SIPA1L1: variants seen among roughly 807,000 people sequenced by gnomAD.
SIPA1L1 encodes the protein signal-induced proliferation-associated 1-like protein 1.
SIPA1L1 carries 26 observed loss-of-function variants against 162.7 expected under a neutral mutation model. The observed-to-expected ratio is 0.16, with a 90% CI of 0.12 to 0.22. The LOEUF (loss-of-function observed/expected upper bound fraction) is 0.22, where lower values mean the gene tolerates loss of function less well. Among genes scored for constraint, SIPA1L1 ranks in the 10% least tolerant of loss-of-function variants. The probability of loss-of-function intolerance (pLI) is 1.00; values close to 1 mark genes in which losing one functional copy is unlikely to be tolerated. For synonymous variants in SIPA1L1, 829 were observed against 837.4 expected (o/e 0.99, Z 0.17); for missense variants, 1,874 against 2,241.0 (o/e 0.84, Z 3.31).
At chr14:71,331,255 C>G (rs2034505377) in intron 2 of SIPA1L1, among the ~76,000 whole-genome samples, 1 of 152,106 alleles carries the variant, frequency 6.6e-6, no homozygotes, top group East Asian at 1.9e-4. Context: ...CTATTGGTCT[C>G]TTTGTCTGTT....
intron 2 of SIPA1L1, among the ~76,000 whole-genome samples, chr14:71,361,705 C>CT (rs2037832535): frequency 6.6e-6 from 1 of 152,120 alleles, no homozygotes. Context: ...GGCCTGGAAT[C>CT]TTTAGGAACT....
intron 2 of SIPA1L1, among the ~76,000 whole-genome samples, chr14:71,396,458 CCT>C (rs1267454555): frequency 7.9e-5 from 12 of 152,052 alleles, no homozygotes; most frequent in African/African-American, 2.4e-4. Context: ...ACTATTGTCC[CCT>C]GTTTGTTCAT....
chr14:71,515,716 C>A (rs1231160831), intron 3 of SIPA1L1, among the ~76,000 whole-genome samples: 1 of 152,172 alleles, frequency 6.6e-6, no homozygotes, highest in Admixed American at 6.5e-5. Context: ...GCGATCTCAG[C>A]AACTTCTACC....
intron 2 of SIPA1L1, among the ~76,000 whole-genome samples, chr14:71,347,037 T>C (rs1198906690): frequency 6.6e-6 from 1 of 150,936 alleles, no homozygotes; most frequent in Non-Finnish European, 1.5e-5. Flanking sequence ...CTGCAGCCTC[T>C]GCCTTCCAGG....
At chr14:71,429,374 A>G (rs1158427184) in intron 2 of SIPA1L1, among the ~76,000 whole-genome samples, 3 of 148,000 alleles carry the variant, frequency 2.0e-5, no homozygotes, top group African/African-American at 7.6e-5. Flanking sequence ...TAGAAACTTC[A>G]CATAATTGCC....
intron 4 of SIPA1L1, chr14:71,576,397 C>G (rs2033038761): frequency 6.6e-6 from 1 of 152,170 alleles, no homozygotes; most frequent in African/African-American, 2.4e-5. Context: ...GCATACATAA[C>G]TGGTTACAAT....
At chr14:71,405,856 A>C (rs577905020) in intron 2 of SIPA1L1, among the ~76,000 whole-genome samples, 1 of 152,354 alleles carries the variant, frequency 6.6e-6, no homozygotes, top group South Asian at 2.1e-4. Context: ...TGTAGGGCAG[A>C]ATTTTTACAT....
At chr14:71,413,453 C>T (rs965953581) in intron 2 of SIPA1L1, among the ~76,000 whole-genome samples, 32 of 152,046 alleles carry the variant, frequency 2.1e-4, no homozygotes, top group Admixed American at 7.2e-4. Flanking sequence ...TGTGTTGAGG[C>T]GGGGCATAGT....
chr14:71,644,870 C>T (rs796406607), intron 7 of SIPA1L1, among the ~76,000 whole-genome samples: 3 of 152,246 alleles, frequency 2.0e-5, no homozygotes, highest in African/African-American at 7.2e-5. Flanking sequence ...TATAGTTTGT[C>T]TCTTGTTTGT....
chr14:71,438,032 T>A (rs2044534464), intron 2 of SIPA1L1, among the ~76,000 whole-genome samples: 1 of 152,216 alleles, frequency 6.6e-6, no homozygotes, highest in African/African-American at 2.4e-5. Context: ...TGTTATCTCC[T>A]TACATTTTAG....
intron 4 of SIPA1L1, among the ~76,000 whole-genome samples, chr14:71,568,849 A>G (rs1470080183): frequency 6.6e-6 from 1 of 152,218 alleles, no homozygotes; most frequent in East Asian, 1.9e-4. Flanking sequence ...AAGAATGCAT[A>G]CTGTCCTTAG....
chr14:71,642,573 A>C (rs1257047285), intron 7 of SIPA1L1, among the ~76,000 whole-genome samples: 1 of 152,224 alleles, frequency 6.6e-6, no homozygotes, highest in Non-Finnish European at 1.5e-5. Flanking sequence ...ACTCTTGCCA[A>C]GTAATTTAAC....
At chr14:71,589,443 T>C (rs2034987243) in intron 5 of SIPA1L1, 73 bp downstream of exon 5, 1 of 861,156 alleles carries the variant, frequency 1.2e-6, no homozygotes, top group African/African-American at 1.7e-5. Context: ...TATATTAAGA[T>C]ATTTATTAAC....
intron 2 of SIPA1L1, among the ~76,000 whole-genome samples, chr14:71,419,926 T>G (rs1274279280): frequency 6.6e-6 from 1 of 151,838 alleles, no homozygotes; most frequent in Non-Finnish European, 1.5e-5. Context: ...AAGGCTGAGG[T>G]GGGAGGATTG....
At chr14:71,715,791 C>A (rs2083225345) in intron 17 of SIPA1L1, among the ~76,000 whole-genome samples, 2 of 152,296 alleles carry the variant, frequency 1.3e-5, no homozygotes, top group South Asian at 4.1e-4. Flanking sequence ...TGTGTTTCAT[C>A]CTATAATCAT....
intron 4 of SIPA1L1, among the ~76,000 whole-genome samples, chr14:71,548,718 GAA>G (rs2055482347): frequency 6.6e-6 from 1 of 151,950 alleles, no homozygotes; most frequent in African/African-American, 2.4e-5. Context: ...GCAACATGGT[GAA>G]ACCCTGTCTC....
chr14:71,468,917 A>G (rs1271916532), intron 2 of SIPA1L1, among the ~76,000 whole-genome samples: 1 of 152,118 alleles, frequency 6.6e-6, no homozygotes, highest in Non-Finnish European at 1.5e-5. Flanking sequence ...TTCATTTTGG[A>G]TGAGTTCTAA....
chr14:71,724,036 A>G (rs2084003916), intron 18 of SIPA1L1, 150 bp downstream of exon 18: 1 of 805,724 alleles, frequency 1.2e-6, no homozygotes, highest in South Asian at 1.9e-5. Flanking sequence ...TTTTTTCCTA[A>G]GTAATATTTT....
At chr14:71,354,109 A>G (rs193441) in intron 2 of SIPA1L1, among the ~76,000 whole-genome samples, 73,003 of 151,480 alleles carry the variant, frequency 0.48, 18,088 homozygotes, top group Admixed American at 0.54. Flanking sequence ...ACCAGCTTTG[A>G]GAATCACTGA....
Sources: allele counts gnomAD v4.1 joint callset (sites outside exome capture counted in the v4.1 genomes callset), GRCh38; gene constraint gnomAD v4.1.1; transcripts MANE v1.5; gene names NCBI Gene and HGNC (gene_info 2026-07-23, HGNC 2026-07-21).